ANK3: variants seen among roughly 807,000 people sequenced by gnomAD.
ANK3 encodes the protein ankyrin-3.
ANK3 carries 57 observed loss-of-function variants against 370.9 expected under a neutral mutation model. The observed-to-expected ratio is 0.15, with a 90% CI of 0.12 to 0.19. The LOEUF (loss-of-function observed/expected upper bound fraction) is 0.19. Ranked by LOEUF, ANK3 falls within the 10% of genes least tolerant of loss-of-function variation. The probability of loss-of-function intolerance (pLI) is 1.00; values close to 1 mark genes in which losing one functional copy is unlikely to be tolerated. For synonymous variants in ANK3, 1,929 were observed against 1,946.3 expected, an observed-to-expected ratio of 0.99 and a Z score of 0.23; for missense variants, 4,439 against 5,302.1, an observed-to-expected ratio of 0.84 and a Z score of 5.06.
intron 16 of ANK3, among the ~76,000 whole-genome samples, chr10:60,192,328 T>C (rs968595056): frequency 2.0e-5 from 3 of 151,514 alleles, no homozygotes; most frequent in Non-Finnish European, 4.4e-5. Context: ...TATATATATA[T>C]ATGTATATAC....
At chr10:60,648,031 A>T (rs1424594545) in intron 1 of ANK3, among the ~76,000 whole-genome samples, 1 of 151,092 alleles carries the variant, frequency 6.6e-6, no homozygotes, top group Non-Finnish European at 1.5e-5. Flanking sequence ...TATTTTTAGT[A>T]GAGATGGGGT....
intron 1 of ANK3, among the ~76,000 whole-genome samples, chr10:60,712,752 T>G (rs1935397600): frequency 6.6e-6 from 1 of 151,994 alleles, no homozygotes; most frequent in Non-Finnish European, 1.5e-5. Context: ...AAATTAAAAG[T>G]AAAAGAATGG....
At chr10:60,549,537 T>G (rs1007923016) in intron 2 of ANK3, among the ~76,000 whole-genome samples, 1 of 152,156 alleles carries the variant, frequency 6.6e-6, no homozygotes, top group Non-Finnish European at 1.5e-5. Flanking sequence ...CATAATTAAC[T>G]GAACTAGTGC....
intron 4 of ANK3, among the ~76,000 whole-genome samples, chr10:60,276,526 G>A (rs2098092061): frequency 6.6e-6 from 1 of 152,216 alleles, no homozygotes; most frequent in Non-Finnish European, 1.5e-5. Flanking sequence ...CAAATGCTTT[G>A]CTGTGCCATG....
intron 1 of ANK3, among the ~76,000 whole-genome samples, chr10:60,349,528 A>T (rs992123656): frequency 2.3e-4 from 35 of 152,098 alleles, no homozygotes; most frequent in Admixed American, 6.6e-4. Flanking sequence ...AACATGAAAA[A>T]CTCCAAAATG....
At chr10:60,134,422 T>A (rs1405686339) in intron 24 of ANK3, 49 bp from the exon 25 acceptor site, 1 of 1,437,380 alleles carries the variant, frequency 7.0e-7, no homozygotes, top group Admixed American at 2.2e-5. Flanking sequence ...GATGATGAGA[T>A]GAATAAAAAA....
chr10:60,336,579 CTATCTATCTA>C (rs2052980484), intron 1 of ANK3, among the ~76,000 whole-genome samples: 3 of 151,778 alleles, frequency 2.0e-5, no homozygotes, highest in Admixed American at 2.0e-4. Flanking sequence ...ATCTATCTAT[CTATCTATCTA>C]TCTATCTATT....
intron 2 of ANK3, among the ~76,000 whole-genome samples, chr10:60,449,733 C>T (rs769334134): frequency 4.6e-5 from 7 of 152,166 alleles, no homozygotes; most frequent in African/African-American, 1.7e-4. Flanking sequence ...TTACTCTCTT[C>T]ATTTATTTAC....
At chr10:60,639,467 A>G (rs942731046) in intron 1 of ANK3, among the ~76,000 whole-genome samples, 2 of 151,314 alleles carry the variant, frequency 1.3e-5, no homozygotes, top group African/African-American at 2.4e-5. Context: ...TATTAGCAAT[A>G]TTATATATAT....
chr10:60,678,731 A>G (rs530438891), intron 1 of ANK3, among the ~76,000 whole-genome samples: 1 of 152,358 alleles, frequency 6.6e-6, no homozygotes, highest in East Asian at 1.9e-4. Context: ...AAAAATAAGC[A>G]GATGACTAAG....
At chr10:60,311,474 CAAAAAAAAAA>C (rs57897005) in intron 1 of ANK3, among the ~76,000 whole-genome samples, 49 of 125,928 alleles carry the variant, frequency 3.9e-4, no homozygotes, top group Non-Finnish European at 7.3e-4. Context: ...ATATGGAAGC[CAAAAAAAAAA>C]AAAAAAAAAA....
At chr10:60,605,324 C>T (rs57447596) in intron 2 of ANK3, among the ~76,000 whole-genome samples, 1 of 152,004 alleles carries the variant, frequency 6.6e-6, no homozygotes, top group Non-Finnish European at 1.5e-5. Context: ...GGTGCAGTGG[C>T]TCACACCTGT....
intron 2 of ANK3, among the ~76,000 whole-genome samples, chr10:60,596,909 C>T (rs2077995382): frequency 6.6e-6 from 1 of 151,816 alleles, no homozygotes. Context: ...ATTAGAAACC[C>T]CAAAATTAAA....
intron 27 of ANK3, among the ~76,000 whole-genome samples, chr10:60,106,417 C>G (rs1462426414): frequency 6.6e-6 from 1 of 151,894 alleles, no homozygotes; most frequent in East Asian, 1.9e-4. Context: ...GTATATTATA[C>G]AAATGCTAAT....
chr10:60,511,049 G>A (rs1378875969), intron 2 of ANK3, among the ~76,000 whole-genome samples: 2 of 152,020 alleles, frequency 1.3e-5, no homozygotes, highest in Admixed American at 6.6e-5. Context: ...GCATTCATCA[G>A]GTCTAGTTAA....
intron 2 of ANK3, among the ~76,000 whole-genome samples, chr10:60,472,077 G>A (rs2065232768): frequency 6.6e-6 from 1 of 152,116 alleles, no homozygotes; most frequent in Admixed American, 6.6e-5. Context: ...AGATAGAGTG[G>A]CTCTAATTTA....
At chr10:60,254,906 A>G (rs1243188804) in intron 7 of ANK3, among the ~76,000 whole-genome samples, 1 of 152,196 alleles carries the variant, frequency 6.6e-6, no homozygotes, top group Non-Finnish European at 1.5e-5. Context: ...TCATTTTTGA[A>G]TTCAATAAAT....
At chr10:60,684,449 T>C in intron 1 of ANK3, 1 of 1,026,698 alleles carries the variant, frequency 9.7e-7, no homozygotes, top group Non-Finnish European at 1.4e-6. Context: ...CGAAGAGAAG[T>C]CCTAAGGCAA....
intron 2 of ANK3, among the ~76,000 whole-genome samples, chr10:60,558,212 G>T (rs1036860573): frequency 6.6e-6 from 1 of 152,078 alleles, no homozygotes; most frequent in African/African-American, 2.4e-5. Flanking sequence ...TCATTCAACC[G>T]CATTTCTGAT....
Sources: gnomAD v4.1 joint callset for allele counts (sites outside exome capture counted in the v4.1 genomes callset) on GRCh38, gnomAD v4.1.1 for gene constraint, MANE v1.5 for transcripts, NCBI Gene and HGNC (gene_info 2026-07-23, HGNC 2026-07-21) for gene names.